The following TRAF3 variants were observed in gnomAD, a reference collection of about 807,000 sequenced individuals.
TRAF3 encodes TNF receptor-associated factor 3.
TRAF3 carries 13 observed loss-of-function variants against 62.3 expected under a neutral mutation model. That is an observed-to-expected ratio of 0.21 (90% confidence interval 0.14 to 0.33). The LOEUF (loss-of-function observed/expected upper bound fraction) is 0.33. Ranked by LOEUF, TRAF3 falls within the 10% of genes least tolerant of loss-of-function variation. The pLI, the probability that TRAF3 is intolerant of heterozygous loss-of-function variation, is 1.00. For missense variants in TRAF3, 440 were observed against 741.8 expected, an observed-to-expected ratio of 0.59 and a Z score of 4.73; for synonymous variants, 269 against 283.4, an observed-to-expected ratio of 0.95 and a Z score of 0.51.
chr14:102,820,976 G>A (rs1299496191), intron 1 of TRAF3, among the ~76,000 whole-genome samples: 1 of 151,896 alleles, frequency 6.6e-6, no homozygotes, highest in East Asian at 1.9e-4. Context: ...AAGCCTGCAG[G>A]GAAGTCTGCC....
chr14:102,856,097 CAAAAAAAAAA>C, intron 2 of TRAF3, among the ~76,000 whole-genome samples: 1 of 62,944 alleles, frequency 1.6e-5, no homozygotes, highest in Non-Finnish European at 3.3e-5. Flanking sequence ...CCCTGTCTCA[CAAAAAAAAAA>C]AAAAAAAAAA....
At position 102,907,551 on chromosome 14, in the gene TRAF3, G is replaced by C. The variant is rs1286401164; in HGVS notation, c.*1767G>C. Reference sequence around the variant, plus strand: ...CCAATGTGTGCGAACTGTCACACCTGTGCCACTCGCCCACAAGCCGCGCCC... The same window carrying C: ...CCAATGTGTGCGAACTGTCACACCTCTGCCACTCGCCCACAAGCCGCGCCC... On this transcript the variant is annotated 3_prime_UTR_variant, in exon 12 of 12. Transcript: ENST00000392745. 3 of 152,288 alleles carry C rather than the reference G, an allele frequency of 2.0e-5. No homozygotes were observed. Among genetic ancestry groups the C allele is most frequent in the Admixed American group, 6.5e-5 (1 of 15,288 alleles). 9.4% of individuals were successfully genotyped at this position (152,288 alleles called of 1,614,324 possible).
chr14:102,880,394 C>CATAT (rs1429674477), intron 6 of TRAF3, among the ~76,000 whole-genome samples: 1 of 152,196 alleles, frequency 6.6e-6, no homozygotes, highest in Admixed American at 6.5e-5. Context: ...TCAGGCTTTA[C>CATAT]ATATGTTAAT....
intron 2 of TRAF3, among the ~76,000 whole-genome samples, chr14:102,864,348 C>G (rs1011832174): frequency 1.3e-5 from 2 of 152,022 alleles, no homozygotes; most frequent in Non-Finnish European, 2.9e-5. Context: ...TGGGGTTTCA[C>G]CGTGTTAGCC....
chr14:102,895,087 A>G (rs1204288839), intron 9 of TRAF3: 3 of 455,888 alleles, frequency 6.6e-6, no homozygotes, highest in Non-Finnish European at 1.3e-5. Context: ...ATGAGAATAA[A>G]GAGTCTGAGA....
chr14:102,817,747 C>T (rs1312058895), intron 1 of TRAF3, among the ~76,000 whole-genome samples: 1 of 152,188 alleles, frequency 6.6e-6, no homozygotes, highest in Non-Finnish European at 1.5e-5. Context: ...AGTGCTTATC[C>T]TCAGGGTTCT....
At position 102,910,727 on chromosome 14, in the gene TRAF3, C is replaced by G. The variant is rs1037858474; in HGVS notation, c.*4943C>G. On this transcript the variant is annotated 3_prime_UTR_variant, in exon 12 of 12. Coordinates refer to ENST00000392745, the MANE Select transcript of TRAF3 (RefSeq NM_145725.3). Reference sequence around the variant, plus strand: ...GGAGGCCCCGGTGGCCAAGCAGAGCCTGCGTTTCATTTCTCCTGCTGCACT... The same window carrying G: ...GGAGGCCCCGGTGGCCAAGCAGAGCGTGCGTTTCATTTCTCCTGCTGCACT... The G allele has an allele frequency of 2.0e-5, 3 of 152,250 alleles. No individual in the cohort carries two copies. The highest frequency in any genetic ancestry group is 7.2e-5 in the African/African-American group (3 of 41,450). 9.4% of individuals were successfully genotyped at this position (152,250 alleles called of 1,614,324 possible).
At chr14:102,814,412 G>T (rs943554802) in intron 1 of TRAF3, among the ~76,000 whole-genome samples, 1 of 152,118 alleles carries the variant, frequency 6.6e-6, no homozygotes, top group African/African-American at 2.4e-5. Context: ...CATTGCTTTG[G>T]CTATTTGGGG....
chr14:102,782,348 C>T (rs1465164975), intron 1 of TRAF3, among the ~76,000 whole-genome samples: 1 of 152,190 alleles, frequency 6.6e-6, no homozygotes, highest in Non-Finnish European at 1.5e-5. Context: ...ATGCTCCTGC[C>T]TTAGCCTCCT....
In TRAF3 at chr14:102,839,210, C is replaced by CTTT. The variant is rs56998347; in HGVS notation, c.-18+8764_-18+8766dup. Among the ~76,000 whole-genome samples the CTTT allele has an allele frequency of 9.5e-3, 851 of 89,760 alleles. 100 individuals are homozygous for CTTT. The highest frequency in any genetic ancestry group is 0.022 in the African/African-American group (492 of 22,560). The allele number at this position is 89,760 out of a possible 152,430, so 58.9% of individuals were successfully genotyped here. A position where few individuals can be genotyped will look rare whatever the true frequency, so the allele number is the denominator to read the frequency against. On this transcript the variant is annotated intron_variant, in intron 2 of 11. Coordinates refer to ENST00000392745, the MANE Select transcript of TRAF3 (RefSeq NM_145725.3). ...GAGAGATGCTTATTGGTTGATTTGC[C>CTTT]TTTTTTTTTTTTTTTTTTTTTTTTT...
intron 4 of TRAF3, among the ~76,000 whole-genome samples, chr14:102,874,692 C>T (rs1888546689): frequency 6.6e-6 from 1 of 151,710 alleles, no homozygotes; most frequent in Admixed American, 6.6e-5. Context: ...CCACTGTCGC[C>T]CAGTCTGGAG....
intron 10 of TRAF3, among the ~76,000 whole-genome samples, chr14:102,897,868 CAGA>C (rs1890083383): frequency 6.6e-6 from 1 of 152,236 alleles, no homozygotes; most frequent in African/African-American, 2.4e-5. Context: ...CACGCACCTC[CAGA>C]AGAACAAACC....
intron 1 of TRAF3, among the ~76,000 whole-genome samples, chr14:102,781,751 C>T (rs1017796450): frequency 6.6e-6 from 1 of 151,076 alleles, no homozygotes; most frequent in Non-Finnish European, 1.5e-5. Flanking sequence ...CTCAGCCTCC[C>T]GAGTAGCTGG....
At chr14:102,781,172 T>G (rs568869864) in intron 1 of TRAF3, among the ~76,000 whole-genome samples, 1 of 105,434 alleles carries the variant, frequency 9.5e-6, no homozygotes, top group Admixed American at 8.5e-5. Context: ...TGGTCCCTCT[T>G]ACAGGGCCCC....
intron 2 of TRAF3, among the ~76,000 whole-genome samples, chr14:102,843,202 CA>C (rs982973118): frequency 3.2e-4 from 42 of 131,426 alleles, no homozygotes; most frequent in Non-Finnish European, 2.8e-4. Context: ...GACTCCATCT[CA>C]AAAAAAAAAA....
intron 7 of TRAF3, 97 bp from the exon 8 acceptor site, chr14:102,889,463 C>T: frequency 8.0e-7 from 1 of 1,254,052 alleles, no homozygotes; most frequent in East Asian, 2.3e-5. Flanking sequence ...AAACACCATT[C>T]TTAATAGTAC....
chr14:102,901,461 T>C (rs1890296849), intron 10 of TRAF3, among the ~76,000 whole-genome samples: 1 of 152,138 alleles, frequency 6.6e-6, no homozygotes, highest in Non-Finnish European at 1.5e-5. Context: ...TGTTAGAAGG[T>C]GGAGATGCGA....
At chr14:102,808,521 A>G (rs1898912932) in intron 1 of TRAF3, among the ~76,000 whole-genome samples, 1 of 151,962 alleles carries the variant, frequency 6.6e-6, no homozygotes, top group African/African-American at 2.4e-5. Flanking sequence ...TCAAAAAAAA[A>G]AAAAAAGAAA....
At chr14:102,865,972 T>G (rs1887964983) in intron 2 of TRAF3, 2 of 152,208 alleles carry the variant, frequency 1.3e-5, no homozygotes, top group African/African-American at 4.8e-5. Context: ...TTAAAACACA[T>G]GCACACATAT....
Sources: allele counts gnomAD v4.1 joint callset (sites outside exome capture counted in the v4.1 genomes callset), GRCh38; gene constraint gnomAD v4.1.1; transcripts MANE v1.5; gene names NCBI Gene and HGNC (gene_info 2026-07-23, HGNC 2026-07-21).